Variants in CLSTN2 observed in about 807,000 individuals in gnomAD.
CLSTN2 encodes calsyntenin-2.
Under a neutral mutation model 101.2 loss-of-function variants are expected in CLSTN2, and 48 were observed. The observed-to-expected ratio is 0.47, with a 90% CI of 0.38 to 0.60. The LOEUF (loss-of-function observed/expected upper bound fraction) is 0.60, where lower values mean the gene tolerates loss of function less well. CLSTN2 is among the 20% of genes least tolerant of loss of function. The pLI, the probability that CLSTN2 is intolerant of heterozygous loss-of-function variation, is 0.00. For missense variants in CLSTN2, 1,160 were observed against 1,238.2 expected (o/e 0.94, Z 0.95); for synonymous variants, 481 against 463.6 (o/e 1.04, Z -0.48).
chr3:140,541,612 C>T (rs1935479503), intron 9 of CLSTN2, among the ~76,000 whole-genome samples: 1 of 152,206 alleles, frequency 6.6e-6, no homozygotes, highest in South Asian at 2.1e-4. Context: ...TCTGTAGGAA[C>T]ATCCGTGGTC....
At chr3:140,354,666 G>T (rs550108543) in intron 2 of CLSTN2, among the ~76,000 whole-genome samples, 4 of 152,148 alleles carry the variant, frequency 2.6e-5, no homozygotes, top group Non-Finnish European at 4.4e-5. Flanking sequence ...ACTTTAATGG[G>T]GGAGGGCTGT....
At chr3:140,488,907 C>A (rs1013208484) in intron 8 of CLSTN2, among the ~76,000 whole-genome samples, 1 of 152,054 alleles carries the variant, frequency 6.6e-6, no homozygotes, top group African/African-American at 2.4e-5. Flanking sequence ...GACAGAGGAA[C>A]ACATGAGTGT....
chr3:140,467,910 T>C (rs1236770221), intron 8 of CLSTN2, among the ~76,000 whole-genome samples: 1 of 152,216 alleles, frequency 6.6e-6, no homozygotes, highest in Non-Finnish European at 1.5e-5. Context: ...AGTACACATG[T>C]ATGTTCTCTA....
chr3:140,206,574 A>G (rs1438819228), intron 2 of CLSTN2, among the ~76,000 whole-genome samples: 1 of 152,210 alleles, frequency 6.6e-6, no homozygotes, highest in Non-Finnish European at 1.5e-5. Context: ...CTGGGCTCTT[A>G]TCTTCCAGAC....
At chr3:140,087,623 G>A (rs1490014594) in intron 1 of CLSTN2, among the ~76,000 whole-genome samples, 1 of 152,144 alleles carries the variant, frequency 6.6e-6, no homozygotes, top group Admixed American at 6.5e-5. Flanking sequence ...TGTTTTTGAG[G>A]GTTGTGCTTT....
At chr3:140,269,759 A>G (rs1236271540) in intron 2 of CLSTN2, among the ~76,000 whole-genome samples, 1 of 152,086 alleles carries the variant, frequency 6.6e-6, no homozygotes, top group Non-Finnish European at 1.5e-5. Flanking sequence ...GGTACTTCTG[A>G]CCCCAGGGGA....
In CLSTN2 at chr3:140,057,569, G is replaced by A. The variant is rs747933184; in HGVS notation, c.110-118382G>A. 1.1e-4 allele frequency among the ~76,000 whole-genome samples: 16 copies of A among 152,078 alleles called. 1 individual carries two copies. The highest frequency in any genetic ancestry group is 8.3e-4 in the South Asian group (4 of 4,820). On this transcript the variant is annotated intron_variant, in intron 1 of 16. Transcript: ENST00000458420. Reference sequence around the variant, plus strand: ...CATAGTATTTCTAGAAAAGTTAATCGCCTCATTAGTCATATTTACATTTTA... The same window carrying A: ...CATAGTATTTCTAGAAAAGTTAATCACCTCATTAGTCATATTTACATTTTA...
At chr3:140,049,922 T>G (rs1390352142) in intron 1 of CLSTN2, among the ~76,000 whole-genome samples, 1 of 152,236 alleles carries the variant, frequency 6.6e-6, no homozygotes, top group Non-Finnish European at 1.5e-5. Context: ...GGCCCCAGGA[T>G]CCTGACCTCT....
chr3:140,161,465 TC>T (rs1263755557), intron 1 of CLSTN2, among the ~76,000 whole-genome samples: 1 of 152,164 alleles, frequency 6.6e-6, no homozygotes. Flanking sequence ...ATGCTCCCCT[TC>T]CTTTTTCCAA....
At chr3:140,382,184 A>C (rs11717522) in intron 2 of CLSTN2, among the ~76,000 whole-genome samples, 1 of 152,024 alleles carries the variant, frequency 6.6e-6, no homozygotes. Context: ...CCATCCTAAC[A>C]TTTAACACAG....
intron 2 of CLSTN2, among the ~76,000 whole-genome samples, chr3:140,280,025 G>C (rs2086829631): frequency 1.3e-5 from 2 of 152,322 alleles, no homozygotes; most frequent in South Asian, 4.1e-4. Context: ...TAGGGACCCT[G>C]TTTTGTTCAA....
chr3:140,061,486 TG>T (rs1323108165), intron 1 of CLSTN2, among the ~76,000 whole-genome samples: 1 of 152,200 alleles, frequency 6.6e-6, no homozygotes, highest in Non-Finnish European at 1.5e-5. Context: ...CACAGGAAGC[TG>T]GCTTACACCT....
chr3:140,182,280 T>C (rs916163026), intron 2 of CLSTN2, among the ~76,000 whole-genome samples: 6 of 152,180 alleles, frequency 3.9e-5, no homozygotes, highest in Non-Finnish European at 8.8e-5. Context: ...ATAAATGCAC[T>C]AGAGTTTTTA....
At chr3:140,542,936 T>C (rs1307828451) in intron 9 of CLSTN2, among the ~76,000 whole-genome samples, 2 of 152,210 alleles carry the variant, frequency 1.3e-5, no homozygotes, top group Non-Finnish European at 2.9e-5. Flanking sequence ...CATGGATGGA[T>C]GTACTCACAC....
chr3:140,079,766 G>GAA lies in CLSTN2; in HGVS notation c.110-96178_110-96177dup, dbSNP rs143411115. On this transcript the variant is annotated intron_variant, in intron 1 of 16. Coordinates refer to ENST00000458420, the MANE Select transcript of CLSTN2 (RefSeq NM_022131.3). ...ACTATGTCTCAAAAAAAAAAAGAAA[G>GAA]AAAAAAAAGAAAGAAACTAGGGTGG... Among the ~76,000 whole-genome samples, 250 of 134,874 alleles carry GAA rather than the reference G, an allele frequency of 1.9e-3. 2 individuals carry two copies. Among genetic ancestry groups the GAA allele is most frequent in the African/African-American group, 7.1e-3 (233 of 32,838 alleles). The allele number at this position is 134,874 out of a possible 152,430, so 88.5% of individuals were successfully genotyped here. A position where few individuals can be genotyped will look rare whatever the true frequency, so the allele number is the denominator to read the frequency against.
At chr3:140,349,102 A>T (rs1171964795) in intron 2 of CLSTN2, among the ~76,000 whole-genome samples, 1 of 152,106 alleles carries the variant, frequency 6.6e-6, no homozygotes, top group Non-Finnish European at 1.5e-5. Flanking sequence ...AGTTCTTATG[A>T]GGTGGTTTTA....
At chr3:139,966,011 C>A (rs1385932159) in intron 1 of CLSTN2, among the ~76,000 whole-genome samples, 1 of 152,162 alleles carries the variant, frequency 6.6e-6, no homozygotes, top group Non-Finnish European at 1.5e-5. Flanking sequence ...TGGAACACAG[C>A]CAGGTGCTAG....
At chr3:139,996,944 G>C (rs1180805808) in intron 1 of CLSTN2, among the ~76,000 whole-genome samples, 1 of 151,578 alleles carries the variant, frequency 6.6e-6, no homozygotes, top group Non-Finnish European at 1.5e-5. Context: ...CTACTTGGGA[G>C]GCTGAGGCAG....
At chr3:140,178,504 A>C (rs1009382388) in intron 2 of CLSTN2, among the ~76,000 whole-genome samples, 8 of 152,222 alleles carry the variant, frequency 5.3e-5, no homozygotes, top group Non-Finnish European at 8.8e-5. Context: ...CCATTTAAAG[A>C]CAACTTCTAT....
Sources: gnomAD v4.1 joint callset for allele counts (sites outside exome capture counted in the v4.1 genomes callset) on GRCh38, gnomAD v4.1.1 for gene constraint, MANE v1.5 for transcripts, NCBI Gene and HGNC (gene_info 2026-07-23, HGNC 2026-07-21) for gene names.